The following NR3C2 variants were observed in gnomAD, a reference collection of about 807,000 sequenced individuals.
NR3C2 encodes nuclear receptor subfamily 3 group C member 2.
Under a neutral mutation model 86.4 loss-of-function variants are expected in NR3C2, and 15 were observed. The observed-to-expected ratio is 0.17, with a 90% CI of 0.12 to 0.27. The LOEUF (loss-of-function observed/expected upper bound fraction) is 0.27, where lower values mean the gene tolerates loss of function less well. Ranked by LOEUF, NR3C2 falls within the 10% of genes least tolerant of loss-of-function variation. The pLI is 1.00. For missense variants in NR3C2, 960 were observed against 1,195.6 expected (o/e 0.80, Z 2.91); for synonymous variants, 458 against 450.5 (o/e 1.02, Z -0.21).
rs528176069 is a variant in NR3C2 at position 148,095,429 on chromosome 4, T to G, written c.2800-13930A>C. Among the ~76,000 whole-genome samples, 26 of 152,300 alleles carry G rather than the reference T, an allele frequency of 1.7e-4. No homozygotes were observed. The South Asian group carries it at 4.6e-3, about 27-fold the overall frequency. Reference sequence around the variant, plus strand: ...AACCTTAACAAGGTTATGCTACCACTCACTATGGGCTCCCTTCTGAAAACC... The same window carrying G: ...AACCTTAACAAGGTTATGCTACCACGCACTATGGGCTCCCTTCTGAAAACC... On this transcript the variant is annotated intron_variant, in intron 8 of 8. Transcript: ENST00000358102.
chr4:148,143,276 C>A (rs1047116680), intron 6 of NR3C2, among the ~76,000 whole-genome samples: 1 of 152,194 alleles, frequency 6.6e-6, no homozygotes, highest in Non-Finnish European at 1.5e-5. Flanking sequence ...ACCAAGGGCA[C>A]TAGAAAAGCT....
At chr4:148,161,597 C>T (rs1734665129) in intron 4 of NR3C2, among the ~76,000 whole-genome samples, 1 of 152,132 alleles carries the variant, frequency 6.6e-6, no homozygotes, top group African/African-American at 2.4e-5. Flanking sequence ...CTCAGGTAAT[C>T]CGTCTGCCTT....
intron 8 of NR3C2, among the ~76,000 whole-genome samples, chr4:148,088,587 C>T (rs1427333921): frequency 1.6e-5 from 2 of 128,770 alleles, no homozygotes; most frequent in Admixed American, 1.4e-4. Flanking sequence ...AGCTGGAAAC[C>T]ATCATTCTCA....
At chr4:148,350,266 C>G (rs946115456) in intron 2 of NR3C2, among the ~76,000 whole-genome samples, 18 of 152,220 alleles carry the variant, frequency 1.2e-4, no homozygotes, top group Admixed American at 3.3e-4. Flanking sequence ...CAGGCTGGCC[C>G]TTTTGAAGTC....
At chr4:148,359,546 G>A (rs2150001831) in intron 2 of NR3C2, among the ~76,000 whole-genome samples, 1 of 152,248 alleles carries the variant, frequency 6.6e-6, no homozygotes, top group African/African-American at 2.4e-5. Flanking sequence ...AATTTTATAT[G>A]TGCCAAAATA....
intron 1 of NR3C2, 111 bp downstream of exon 1, chr4:148,442,049 T>A (rs2126673000): frequency 6.6e-6 from 1 of 152,454 alleles, no homozygotes; most frequent in South Asian, 2.1e-4. Context: ...AGCACCATAC[T>A]GACTGTGCCT....
intron 3 of NR3C2, among the ~76,000 whole-genome samples, chr4:148,218,970 G>C (rs1737692162): frequency 6.6e-6 from 1 of 152,152 alleles, no homozygotes; most frequent in Non-Finnish European, 1.5e-5. Context: ...TTCTTGGGTA[G>C]ATATGTAGAA....
intron 6 of NR3C2, among the ~76,000 whole-genome samples, chr4:148,139,659 C>T (rs773571084): frequency 6.6e-6 from 1 of 152,174 alleles, no homozygotes. Context: ...TATGTTGGCT[C>T]GGGCAACACT....
intron 2 of NR3C2, among the ~76,000 whole-genome samples, chr4:148,277,784 C>T (rs1435493455): frequency 6.6e-6 from 1 of 152,288 alleles, no homozygotes; most frequent in East Asian, 1.9e-4. Context: ...CCCACACCAG[C>T]ATTCATGCCA....
intron 3 of NR3C2, among the ~76,000 whole-genome samples, chr4:148,219,300 T>G (rs1047000398): frequency 6.6e-6 from 1 of 152,220 alleles, no homozygotes; most frequent in Non-Finnish European, 1.5e-5. Flanking sequence ...CTCAAATCTT[T>G]TATCTAAAAG....
At chr4:148,144,473 G>A (rs1473126283) in intron 6 of NR3C2, among the ~76,000 whole-genome samples, 1 of 152,172 alleles carries the variant, frequency 6.6e-6, no homozygotes, top group East Asian at 1.9e-4. Context: ...GATTACAGGT[G>A]TGAGGTACCA....
Position 148,114,496 on chromosome 4 carries a change from C to T in NR3C2, c.2642-235G>A, listed in dbSNP as rs557052079. Among the ~76,000 whole-genome samples, 160 of 152,306 alleles carry T rather than the reference C, an allele frequency of 1.1e-3. 4 individuals are homozygous for T. In the South Asian group the frequency reaches 0.032, roughly 30 times the overall value. ...TTTGCACAGACTAGTTCACTTAACC[C>T]TGACACCAATATTATGACATAACTG... On this transcript the variant is annotated intron_variant, in intron 7 of 8. Transcript: ENST00000358102.
Position 148,155,045 on chromosome 4 carries a change from T to G in NR3C2, c.2015-144A>C, listed in dbSNP as rs565935212. 4.3e-6 allele frequency: 3 copies of G among 693,812 alleles called. No homozygotes were observed. The African/African-American group carries it at 5.4e-5, about 12-fold the overall frequency. The allele number at this position is 693,812 out of a possible 1,614,324, so 43.0% of individuals were successfully genotyped here. The stretch of plus-strand genomic sequence containing the variant: ...CCGTTTATTCCACTAAGAGAAAATA[T>G]ATAAAGCTCAATTATTATTACTTAC... On this transcript the variant is annotated intron_variant, in intron 4 of 8. Transcript: ENST00000358102.
chr4:148,444,940 C>A (rs1394279541), upstream of NR3C2: 1 of 984,944 alleles, frequency 1.0e-6, no homozygotes, highest in Non-Finnish European at 1.2e-6. Flanking sequence ...CCTGGGTGGC[C>A]GGTGACAGCT....
chr4:148,184,863 G>C (rs868561304), intron 4 of NR3C2, among the ~76,000 whole-genome samples: 1 of 152,278 alleles, frequency 6.6e-6, no homozygotes, highest in Non-Finnish European at 1.5e-5. Flanking sequence ...GTGCACTAGA[G>C]ACACCAGAAA....
At chr4:148,354,584 G>A (rs1745459859) in intron 2 of NR3C2, among the ~76,000 whole-genome samples, 2 of 151,970 alleles carry the variant, frequency 1.3e-5, no homozygotes, top group South Asian at 2.1e-4. Flanking sequence ...GAATTACACT[G>A]TTCTGCAGAA....
chr4:148,163,588 TC>T (rs1578959656), intron 4 of NR3C2, among the ~76,000 whole-genome samples: 1 of 136,818 alleles, frequency 7.3e-6, no homozygotes, highest in African/African-American at 2.7e-5. Context: ...CTCCGCTCTA[TC>T]CCACCCCCAC....
chr4:148,226,780 T>C (rs1445894441), intron 3 of NR3C2, among the ~76,000 whole-genome samples: 2 of 152,200 alleles, frequency 1.3e-5, no homozygotes, highest in African/African-American at 4.8e-5. Flanking sequence ...TTTCTGGAGG[T>C]ATAAAATAGC....
Position 148,089,102 on chromosome 4 carries a change from G to A in NR3C2, c.2800-7603C>T, listed in dbSNP as rs950039086. Among the ~76,000 whole-genome samples, 9 of 152,130 alleles carry A rather than the reference G, an allele frequency of 5.9e-5. 1 individual carries two copies. Among genetic ancestry groups the A allele is most frequent in the Non-Finnish European group, 4.4e-5 (3 of 68,012 alleles). ...ATTTTAAAAAACACCCCATTAGCAA[G>A]CTTTAATTGAGTCAGATAGTAAATA... On this transcript the variant is annotated intron_variant, in intron 8 of 8. Coordinates refer to ENST00000358102, the MANE Select transcript of NR3C2 (RefSeq NM_000901.5).
Sources: gnomAD v4.1 joint callset for allele counts (sites outside exome capture counted in the v4.1 genomes callset) on GRCh38, gnomAD v4.1.1 for gene constraint, MANE v1.5 for transcripts, NCBI Gene and HGNC (gene_info 2026-07-23, HGNC 2026-07-21) for gene names.